ABTB3: variants seen among roughly 807,000 people sequenced by gnomAD.
ABTB3 encodes the protein ankyrin repeat and BTB domain containing 3.
the ABTB3 span, among the ~76,000 whole-genome samples, chr12:107,405,117 T>C: frequency 6.6e-6 from 1 of 152,172 alleles, no homozygotes; most frequent in Non-Finnish European, 1.5e-5. Flanking sequence ...CTGGTTTGAT[T>C]CACCAGCCTT....
chr12:107,420,350 A>G, the ABTB3 span, among the ~76,000 whole-genome samples: 3 of 152,182 alleles, frequency 2.0e-5, no homozygotes, highest in African/African-American at 7.2e-5. Context: ...GGTTTAATGG[A>G]CTAACGGTTT....
the ABTB3 span, among the ~76,000 whole-genome samples, chr12:107,391,664 A>G: frequency 6.6e-6 from 1 of 152,106 alleles, no homozygotes; most frequent in Non-Finnish European, 1.5e-5. Context: ...CCTTTCATAT[A>G]ATGAGAAAAT....
At chr12:107,571,464 G>A in the ABTB3 span, among the ~76,000 whole-genome samples, 1 of 152,204 alleles carries the variant, frequency 6.6e-6, no homozygotes, top group African/African-American at 2.4e-5. Flanking sequence ...GCAGAAGCAG[G>A]CCCACATGGC....
chr12:107,368,122 A>T, the ABTB3 span, among the ~76,000 whole-genome samples: 1 of 152,230 alleles, frequency 6.6e-6, no homozygotes, highest in Non-Finnish European at 1.5e-5. Context: ...CAAAAATCTT[A>T]GCAGCTTAAA....
the ABTB3 span, among the ~76,000 whole-genome samples, chr12:107,491,243 C>G: frequency 6.6e-6 from 1 of 152,202 alleles, no homozygotes; most frequent in Non-Finnish European, 1.5e-5. Context: ...TGTCCTGTTG[C>G]TGTGATAGCA....
chr12:107,320,172 G>T, the ABTB3 span: 2 of 1,334,304 alleles, frequency 1.5e-6, no homozygotes, highest in Non-Finnish European at 9.7e-7. Flanking sequence ...TCCCAGCCAC[G>T]CGCTGCTGTC....
chr12:107,366,102 T>C, the ABTB3 span, among the ~76,000 whole-genome samples: 1 of 152,194 alleles, frequency 6.6e-6, no homozygotes, highest in Non-Finnish European at 1.5e-5. Context: ...CACCTTCTCT[T>C]GGAAGCCTTC....
At chr12:107,578,855 T>A in the ABTB3 span, among the ~76,000 whole-genome samples, 1 of 152,130 alleles carries the variant, frequency 6.6e-6, no homozygotes, top group Non-Finnish European at 1.5e-5. Flanking sequence ...GTCCAGAAAC[T>A]CAATTTTATC....
At chr12:107,328,854 T>A in the ABTB3 span, among the ~76,000 whole-genome samples, 1 of 152,156 alleles carries the variant, frequency 6.6e-6, no homozygotes, top group African/African-American at 2.4e-5. Context: ...GAGGGGCGTG[T>A]GGGGTAGAGG....
chr12:107,601,597 C>T, the ABTB3 span, among the ~76,000 whole-genome samples: 1 of 152,180 alleles, frequency 6.6e-6, no homozygotes, highest in Non-Finnish European at 1.5e-5. Flanking sequence ...TCACTAAGAA[C>T]TGGGCCATGC....
the ABTB3 span, among the ~76,000 whole-genome samples, chr12:107,364,646 G>A: frequency 6.6e-6 from 1 of 152,046 alleles, no homozygotes; most frequent in African/African-American, 2.4e-5. Context: ...ACAAATCACT[G>A]TTTGCACTTC....
the ABTB3 span, among the ~76,000 whole-genome samples, chr12:107,361,390 A>G: frequency 2.6e-5 from 4 of 152,206 alleles, no homozygotes; most frequent in Non-Finnish European, 5.9e-5. Context: ...GCTCTTTGAC[A>G]GCATCATTTA....
At chr12:107,580,923 C>T in the ABTB3 span, 1 of 1,551,528 alleles carries the variant, frequency 6.4e-7, no homozygotes, top group Admixed American at 2.0e-5. Flanking sequence ...AAACTGAGGC[C>T]CAAGGATTCC....
At chr12:107,411,607 C>T in the ABTB3 span, among the ~76,000 whole-genome samples, 6 of 152,168 alleles carry the variant, frequency 3.9e-5, no homozygotes, top group African/African-American at 1.2e-4. Context: ...TCTGGCTCTC[C>T]GTTGCCTCAG....
At chr12:107,426,179 C>T in the ABTB3 span, among the ~76,000 whole-genome samples, 2 of 152,220 alleles carry the variant, frequency 1.3e-5, no homozygotes, top group African/African-American at 4.8e-5. Context: ...CACAGCGGTG[C>T]CGTGTCCCTC....
At chr12:107,318,843 G>A in the ABTB3 span, 1,446 of 1,374,562 alleles carry the variant, frequency 1.1e-3, 6 homozygotes, top group Middle Eastern at 3.0e-3. Context: ...AGCCAAGGCG[G>A]CGCGGACTCG....
At chr12:107,414,465 T>G in the ABTB3 span, among the ~76,000 whole-genome samples, 4 of 152,146 alleles carry the variant, frequency 2.6e-5, no homozygotes, top group Non-Finnish European at 4.4e-5. Flanking sequence ...AACCCGAGCA[T>G]GCACCCTCAT....
At chr12:107,531,017 A>C in the ABTB3 span, among the ~76,000 whole-genome samples, 49 of 152,244 alleles carry the variant, frequency 3.2e-4, no homozygotes, top group African/African-American at 1.2e-3. Context: ...CGCAGACCTT[A>C]GAGTCAGACA....
At chr12:107,391,511 C>T in the ABTB3 span, among the ~76,000 whole-genome samples, 1 of 152,170 alleles carries the variant, frequency 6.6e-6, no homozygotes, top group East Asian at 1.9e-4. Flanking sequence ...ATCCTTCCAC[C>T]TCCCCACCTA....
Sources: allele counts gnomAD v4.1 joint callset (sites outside exome capture counted in the v4.1 genomes callset), GRCh38; gene constraint gnomAD v4.1.1; transcripts MANE v1.5; gene names NCBI Gene and HGNC (gene_info 2026-07-23, HGNC 2026-07-21).